The following C19orf44 variants were observed in gnomAD, a reference collection of about 807,000 sequenced individuals.
C19orf44 encodes the protein uncharacterized protein C19orf44.
In C19orf44, 43 loss-of-function variants were observed where a neutral mutation model predicts 50.7. That is an observed-to-expected ratio of 0.85 (90% CI 0.66 to 1.09). The LOEUF (loss-of-function observed/expected upper bound fraction) is 1.09, where lower values mean the gene tolerates loss of function less well. Ranked by LOEUF, C19orf44 falls within the 50% of genes least tolerant of loss-of-function variation. The pLI is 0.00. For missense variants in C19orf44, 722 were observed against 836.2 expected, an observed-to-expected ratio of 0.86 and a Z score of 1.68; for synonymous variants, 298 against 334.7, an observed-to-expected ratio of 0.89 and a Z score of 1.20.
chr19:16,505,465 C>G, intron 3 of C19orf44, among the ~76,000 whole-genome samples: 1 of 152,064 alleles, frequency 6.6e-6, no homozygotes, highest in South Asian at 2.1e-4. Flanking sequence ...CCACCTGCCT[C>G]GGCCTCCCAA....
rs539234761 is a variant in C19orf44, at chr19:16,506,836, A to T, written c.1149+62A>T. 1,262 of 1,226,908 alleles carry T rather than the reference A, an allele frequency of 1.0e-3. 2 individuals are homozygous for T. Among genetic ancestry groups the T allele is most frequent in the South Asian group, 8.3e-3 (585 of 70,434 alleles). The allele number at this position is 1,226,908 out of a possible 1,614,324, so 76.0% of individuals were successfully genotyped here. A position where few individuals can be genotyped will look rare whatever the true frequency, so the allele number is the denominator to read the frequency against. On this transcript the variant is annotated intron_variant, in intron 4 of 8. Coordinates refer to ENST00000221671, the MANE Select transcript of C19orf44 (RefSeq NM_032207.4). ...TTTTGGCTTCAACATTTTTTTTTTT[A>T]AATTTTTAAAAAATTTAAAAATTGA...
At position 16,503,128 on chromosome 19, in the gene C19orf44, C is replaced by A. The variant is rs1489240044; in HGVS notation, c.823C>A (p.Gln275Lys). Reference sequence around the variant, plus strand: ...GGAACTCTCCAGCGCAAAGCCTTCTCAGACATCACACCTGCCAACCTCCCT... The same window carrying A: ...GGAACTCTCCAGCGCAAAGCCTTCTAAGACATCACACCTGCCAACCTCCCT... ...SVELSSAKPS[Q>K]TSHLPTSLAA... Residue 275 changes from glutamine to lysine, a missense_variant, in exon 3 of 9, where the codon CAG becomes AAG. By Grantham distance (53) the Gln-to-Lys change is moderately conservative. Transcript: ENST00000221671. 1.2e-5 allele frequency: 20 copies of A among 1,614,172 alleles called. No individual in the cohort carries two copies. The highest frequency in any genetic ancestry group is 1.6e-5 in the Non-Finnish European group (19 of 1,180,040).
At chr19:16,510,973 C>T (rs2093455538) in intron 5 of C19orf44, among the ~76,000 whole-genome samples, 1 of 151,376 alleles carries the variant, frequency 6.6e-6, no homozygotes, top group African/African-American at 2.4e-5. Context: ...TGGGCTCAAG[C>T]AATCTGTCAG....
rs539926603 is a variant in C19orf44, at chr19:16,501,986, C to T, written c.759+435C>T. ...GTGCAGTGGCGTGATCTCAGCTCAC[C>T]GCAACCTCCACCTCCCAGGTTCAAG... On this transcript the variant is annotated intron_variant, in intron 2 of 8. Coordinates refer to ENST00000221671, the MANE Select transcript of C19orf44 (RefSeq NM_032207.4). Among the ~76,000 whole-genome samples the T allele has an allele frequency of 6.6e-5, 10 of 150,522 alleles. No individual in the cohort carries two copies. In the South Asian group the frequency reaches 8.4e-4, roughly 13 times the overall value.
At position 16,503,370 on chromosome 19, in the gene C19orf44, C is replaced by G. The variant is rs1167919265; in HGVS notation, c.1065C>G (p.Asp355Glu). The G allele has an allele frequency of 6.2e-7, 1 of 1,609,302 alleles. No homozygotes were observed. The highest frequency in any genetic ancestry group is 2.2e-5 in the East Asian group (1 of 44,770). ...VDEPVSEGAD[D>E]SLDEFRINIL... ...AGCCAGTCTCAGAAGGTGCTGATGA[C>G]AGCCTCGACGGTAATCCCAGTCCCG... is the stretch of plus-strand genomic sequence containing the variant. The change falls in exon 3 of 9, where the codon GAC (aspartate) becomes GAG (glutamate). Residue 355 changes from aspartate (D) to glutamate (E), a missense_variant. By Grantham distance (45) the Asp-to-Glu change is conservative (BLOSUM62 2). Coordinates refer to ENST00000221671, the MANE Select transcript of C19orf44 (RefSeq NM_032207.4).
intron 7 of C19orf44, 95 bp from the exon 8 acceptor site, chr19:16,517,135 G>T: frequency 8.7e-7 from 1 of 1,147,292 alleles, no homozygotes; most frequent in Non-Finnish European, 1.3e-6. Flanking sequence ...AGCCTGCTGG[G>T]GACAGGTGCT....
chr19:16,500,209 G>A (rs1341452155), intron 1 of C19orf44, among the ~76,000 whole-genome samples: 2 of 152,152 alleles, frequency 1.3e-5, no homozygotes, highest in African/African-American at 4.8e-5. Context: ...CATTATAGGT[G>A]TGAGCCACTG....
Position 16,501,027 on chromosome 19 carries a change from T to G in C19orf44, c.235T>G (p.Cys79Gly). 1.2e-6 allele frequency: 2 copies of G among 1,614,104 alleles called. No individual in the cohort carries two copies. Among genetic ancestry groups the G allele is most frequent in the South Asian group, 1.1e-5 (1 of 91,082 alleles). ...CGGGAGTGGACCCAGGCTTGCCTCA[T>G]GTAGACCGCCCACCACTGCCTCCAG... Reference protein sequence around the residue: ...VLGSGPRLASCRPPTTASRIR... With the variant: ...VLGSGPRLASGRPPTTASRIR... The change falls in exon 2 of 9, where the codon TGT becomes GGT. Residue 79 changes from cysteine (C) to glycine (G), a missense_variant. Coordinates refer to ENST00000221671, the MANE Select transcript of C19orf44 (RefSeq NM_032207.4).
chr19:16,503,276 T>G lies in C19orf44; in HGVS notation c.971T>G (p.Val324Gly). The G allele has an allele frequency of 6.2e-7, 1 of 1,613,954 alleles. No individual in the cohort carries two copies. The highest frequency in any genetic ancestry group is 8.5e-7 in the Non-Finnish European group (1 of 1,179,970). ...VSITGAFSNS[V>G]SLKMGHVKLV... is the part of the protein sequence containing the mutation. ...ATCACAGGCGCCTTTTCAAACTCAG[T>G]GTCTTTAAAGATGGGGCATGTCAAG... The change falls in exon 3 of 9, where the codon GTG becomes GGG. Residue 324 changes from valine to glycine, a missense_variant. Val to Gly is a moderately radical substitution (Grantham distance 109, BLOSUM62 -3). Coordinates refer to ENST00000221671, the MANE Select transcript of C19orf44 (RefSeq NM_032207.4).
At position 16,509,965 on chromosome 19, in the gene C19orf44, C is replaced by A. The variant is rs759479233; in HGVS notation, c.1616C>A (p.Ala539Asp). The change falls in exon 5 of 9, where the codon GCC (alanine) becomes GAC (aspartate). Residue 539 changes from alanine (A) to aspartate (D), a missense_variant. Coordinates refer to ENST00000221671, the MANE Select transcript of C19orf44 (RefSeq NM_032207.4). ...ACAGCTGTGCAGACGCCAGATCCTG[C>A]CTTCACCTACGAGTGGACCAAGGGT... ...KDTAVQTPDP[A>D]FTYEWTKVAS... 1.2e-6 allele frequency: 2 copies of A among 1,614,126 alleles called. No homozygotes were observed. Among genetic ancestry groups the A allele is most frequent in the Admixed American group, 3.3e-5 (2 of 60,012 alleles).
chr19:16,509,362 C>A, intron 4 of C19orf44, 137 bp from the exon 5 acceptor site: 1 of 1,185,564 alleles, frequency 8.4e-7, no homozygotes, highest in Non-Finnish European at 1.2e-6. Flanking sequence ...TACTCCGTGC[C>A]CACATCTAAT....
At chr19:16,512,162 T>C (rs917567776) in intron 5 of C19orf44, among the ~76,000 whole-genome samples, 2 of 151,962 alleles carry the variant, frequency 1.3e-5, no homozygotes, top group South Asian at 4.1e-4. Flanking sequence ...GTCAATCACA[T>C]GGACTGAGTC....
chr19:16,515,489 T>TGTA (rs1568500389), intron 7 of C19orf44, among the ~76,000 whole-genome samples: 2 of 152,236 alleles, frequency 1.3e-5, no homozygotes, highest in East Asian at 3.8e-4. Context: ...ATATATATAC[T>TGTA]CCTTCAGACT....
At position 16,517,359 on chromosome 19, in the gene C19orf44, C is replaced by A; in HGVS notation, c.*40+18C>A. 1.3e-6 allele frequency: 2 copies of A among 1,519,996 alleles called. No homozygotes were observed. The highest frequency in any genetic ancestry group is 1.8e-6 in the Non-Finnish European group (2 of 1,099,424). 94.2% of individuals were successfully genotyped at this position (1,519,996 alleles called of 1,614,324 possible). On this transcript the variant is annotated intron_variant, in intron 8 of 8. Transcript: ENST00000221671. The stretch of plus-strand genomic sequence containing the variant: ...AACAAAAGGTATCCCGTCCTGTGTA[C>A]TCAGTGCACACACACGCACACAAAC...
chr19:16,511,885 C>T (rs764665471), intron 5 of C19orf44, among the ~76,000 whole-genome samples: 8 of 151,804 alleles, frequency 5.3e-5, no homozygotes, highest in African/African-American at 9.7e-5. Context: ...TGTGGTGGCA[C>T]GCATCTGTAG....
intron 7 of C19orf44, 90 bp downstream of exon 7, chr19:16,514,753 G>A: frequency 7.3e-7 from 1 of 1,375,692 alleles, no homozygotes; most frequent in Non-Finnish European, 9.6e-7. Flanking sequence ...CCGGGGCCTG[G>A]GCTCCAGCGC....
chr19:16,517,416 C>T, intron 8 of C19orf44, 75 bp downstream of exon 8: 1 of 1,069,236 alleles, frequency 9.4e-7, no homozygotes, highest in South Asian at 1.5e-5. Context: ...GTGTGACGTT[C>T]CGTGGTGGGG....
At position 16,519,330 on chromosome 19, in the gene C19orf44, G is replaced by A. The variant is rs755550525; in HGVS notation, c.*41-764G>A. The A allele has an allele frequency of 9.3e-6, 15 of 1,612,622 alleles. No individual in the cohort carries two copies. The highest frequency in any genetic ancestry group is 6.7e-5 in the East Asian group (3 of 44,898). Reference sequence around the variant, plus strand: ...CCTGGATCCCTTGCTCCTTCGCACCGAGGCCGCCTGAGCCGCTCCAGCCTG... The same window carrying A: ...CCTGGATCCCTTGCTCCTTCGCACCAAGGCCGCCTGAGCCGCTCCAGCCTG... On this transcript the variant is annotated intron_variant, in intron 8 of 8. Coordinates refer to ENST00000221671, the MANE Select transcript of C19orf44 (RefSeq NM_032207.4). This position sits in a 1 kb window ranked among gnomAD's most constrained non-coding sequence, Gnocchi z 6.0.
In C19orf44 at chr19:16,513,150, C is replaced by T. The variant is rs372255967; in HGVS notation, c.1735+41C>T. 258 of 1,593,496 alleles carry T rather than the reference C, an allele frequency of 1.6e-4. No homozygotes were observed. The African/African-American group carries it at 2.5e-3, about 15-fold the overall frequency. ...GGGGGATCCTTCCTGTCACATTTTA[C>T]AGGACTCATTTCACCTGCAGATTCA... On this transcript the variant is annotated intron_variant, in intron 6 of 8. Coordinates refer to ENST00000221671, the MANE Select transcript of C19orf44 (RefSeq NM_032207.4).
Sources: gnomAD v4.1 joint callset for allele counts (sites outside exome capture counted in the v4.1 genomes callset) on GRCh38, gnomAD v4.1.1 for gene constraint, Gnocchi (gnomAD v3.1) non-coding constraint, MANE v1.5 for transcripts, NCBI Gene and HGNC (gene_info 2026-07-23, HGNC 2026-07-21) for gene names.